Variants in KHDRBS2 observed in about 807,000 individuals in gnomAD.
KHDRBS2 encodes KH domain-containing, RNA-binding, signal transduction-associated protein 2.
A neutral mutation model predicts 44.3 loss-of-function variants in KHDRBS2; 26 were observed. The ratio of observed to expected loss-of-function variants is 0.59; its 90% CI spans 0.43 to 0.81. The LOEUF is 0.81. Ranked by LOEUF, KHDRBS2 falls within the 40% of genes least tolerant of loss-of-function variation. KHDRBS2 has a pLI of 0.00. For synonymous variants in KHDRBS2, 194 were observed against 151.1 expected, an observed-to-expected ratio of 1.28 and a Z score of -2.08; for missense variants, 476 against 433.1, an observed-to-expected ratio of 1.10 and a Z score of -0.88.
chr6:62,279,027 G>A (rs1021077966), intron 1 of KHDRBS2, among the ~76,000 whole-genome samples: 14 of 152,114 alleles, frequency 9.2e-5, no homozygotes, highest in Non-Finnish European at 2.1e-4. Flanking sequence ...CCGGGAGGCG[G>A]AGCTTGCAGT....
At chr6:62,076,716 G>A (rs537343794) in intron 2 of KHDRBS2, among the ~76,000 whole-genome samples, 32 of 151,990 alleles carry the variant, frequency 2.1e-4, no homozygotes, top group Non-Finnish European at 4.4e-4. Context: ...TGACACTGAC[G>A]AGAATGGAAG....
chr6:62,067,557 G>C (rs1192174821), intron 2 of KHDRBS2, among the ~76,000 whole-genome samples: 3 of 151,424 alleles, frequency 2.0e-5, no homozygotes, highest in Admixed American at 1.3e-4. Flanking sequence ...CTATTGGTTT[G>C]AATATTTTAA....
chr6:61,724,763 T>C (rs1045265198), intron 7 of KHDRBS2, among the ~76,000 whole-genome samples: 1 of 152,124 alleles, frequency 6.6e-6, no homozygotes, highest in African/African-American at 2.4e-5. Flanking sequence ...GAGCTAACTA[T>C]CATAAATATA....
At chr6:61,566,213 T>C in the KHDRBS2 span, among the ~76,000 whole-genome samples, 1 of 152,180 alleles carries the variant, frequency 6.6e-6, no homozygotes, top group East Asian at 1.9e-4. Context: ...GAGAATAGAA[T>C]GATGGTTACC....
At chr6:61,788,299 T>C (rs900310158) in intron 6 of KHDRBS2, among the ~76,000 whole-genome samples, 9 of 151,486 alleles carry the variant, frequency 5.9e-5, no homozygotes, top group African/African-American at 2.2e-4. Context: ...CTTTTACCAC[T>C]TCTAGCTTTT....
intron 4 of KHDRBS2, among the ~76,000 whole-genome samples, chr6:61,906,843 G>A (rs1381973938): frequency 3.3e-5 from 5 of 151,412 alleles, no homozygotes; most frequent in Non-Finnish European, 7.4e-5. Flanking sequence ...ATTGAGAAGG[G>A]TGCTGCGATA....
At chr6:61,727,937 T>A (rs575068683) in intron 7 of KHDRBS2, among the ~76,000 whole-genome samples, 11 of 152,198 alleles carry the variant, frequency 7.2e-5, no homozygotes, top group African/African-American at 2.4e-4. Context: ...GTACCCAAAG[T>A]AATATAAATC....
At chr6:61,914,044 T>C (rs1008771685) in intron 4 of KHDRBS2, among the ~76,000 whole-genome samples, 3 of 152,036 alleles carry the variant, frequency 2.0e-5, no homozygotes, top group Non-Finnish European at 2.9e-5. Context: ...CCAGTTTTTA[T>C]CTCAAAGAGA....
At chr6:61,942,556 G>A (rs1309473844) in intron 4 of KHDRBS2, among the ~76,000 whole-genome samples, 1 of 151,928 alleles carries the variant, frequency 6.6e-6, no homozygotes, top group East Asian at 1.9e-4. Flanking sequence ...AAAAGAAAAA[G>A]CAAAGGCTTC....
chr6:61,658,628 TAGTC>T, the KHDRBS2 span, among the ~76,000 whole-genome samples: 1 of 151,930 alleles, frequency 6.6e-6, no homozygotes. Context: ...AAAACTTACT[TAGTC>T]AATGCAGTAG....
At chr6:62,229,088 C>T (rs1385756450) in intron 1 of KHDRBS2, among the ~76,000 whole-genome samples, 1 of 152,114 alleles carries the variant, frequency 6.6e-6, no homozygotes, top group South Asian at 2.1e-4. Flanking sequence ...TGCCTGAATT[C>T]CTCAGAATTA....
At chr6:62,049,454 G>C (rs995649848) in intron 2 of KHDRBS2, among the ~76,000 whole-genome samples, 2 of 150,868 alleles carry the variant, frequency 1.3e-5, no homozygotes, top group African/African-American at 4.9e-5. Context: ...TGTGAACCTA[G>C]GCTAGGAAGA....
intron 1 of KHDRBS2, among the ~76,000 whole-genome samples, chr6:62,224,828 TAA>T (rs1313587172): frequency 3.9e-5 from 6 of 152,304 alleles, no homozygotes; most frequent in Admixed American, 6.5e-5. Flanking sequence ...TACCATAGAA[TAA>T]AGTGATAGCT....
intron 4 of KHDRBS2, among the ~76,000 whole-genome samples, chr6:61,941,538 C>T (rs1812127250): frequency 6.6e-6 from 1 of 152,254 alleles, no homozygotes; most frequent in Admixed American, 6.5e-5. Context: ...CCACCACCTC[C>T]ACCACTAGGG....
chr6:61,954,978 G>GTGTGCATACATA (rs1766182620), intron 4 of KHDRBS2, among the ~76,000 whole-genome samples: 1 of 78,772 alleles, frequency 1.3e-5, no homozygotes, highest in Non-Finnish European at 2.4e-5. Flanking sequence ...GCATACATAT[G>GTGTGCATACATA]TATGTGTATA....
At chr6:61,585,812 A>G in the KHDRBS2 span, among the ~76,000 whole-genome samples, 2 of 152,142 alleles carry the variant, frequency 1.3e-5, no homozygotes, top group African/African-American at 4.8e-5. Flanking sequence ...AGCTTATAAT[A>G]ATTGGTATAA....
the KHDRBS2 span, among the ~76,000 whole-genome samples, chr6:61,586,658 T>A: frequency 6.6e-6 from 1 of 152,156 alleles, no homozygotes; most frequent in Non-Finnish European, 1.5e-5. Context: ...TACTTGAGGT[T>A]CTAGTCTGGG....
At chr6:62,193,074 C>T (rs1824937675) in intron 1 of KHDRBS2, among the ~76,000 whole-genome samples, 1 of 151,962 alleles carries the variant, frequency 6.6e-6, no homozygotes, top group Non-Finnish European at 1.5e-5. Flanking sequence ...AATACTAATA[C>T]TATCACAATT....
In KHDRBS2 at chr6:62,104,022, A is replaced by C. The variant is rs530291957; in HGVS notation, c.220-56028T>G. Reference sequence around the variant, plus strand: ...CCAGAGGGAAATACAGATATACATAAGGGGCTGAAGAACACAGAAATAATG... The same window carrying C: ...CCAGAGGGAAATACAGATATACATACGGGGCTGAAGAACACAGAAATAATG... On this transcript the variant is annotated intron_variant, in intron 2 of 8. Transcript: ENST00000281156. Among the ~76,000 whole-genome samples the C allele has an allele frequency of 7.9e-5, 12 of 152,328 alleles. No homozygotes were observed. In the South Asian group the frequency reaches 2.5e-3, roughly 32 times the overall value.
Sources: gnomAD v4.1 joint callset for allele counts (sites outside exome capture counted in the v4.1 genomes callset) on GRCh38, gnomAD v4.1.1 for gene constraint, MANE v1.5 for transcripts, NCBI Gene and HGNC (gene_info 2026-07-23, HGNC 2026-07-21) for gene names.